Variants in KCNH1 observed in about 807,000 individuals in gnomAD.
The protein encoded by KCNH1 is potassium voltage-gated channel subfamily H member 1, also known as voltage-gated delayed rectifier potassium channel KCNH1.
In KCNH1, 27 loss-of-function variants were observed where a neutral mutation model predicts 69.2. The ratio of observed to expected loss-of-function variants is 0.39; its 90% CI spans 0.29 to 0.54. The LOEUF (loss-of-function observed/expected upper bound fraction) is 0.54, where lower values mean the gene tolerates loss of function less well. Ranked by LOEUF, KCNH1 falls within the 20% of genes least tolerant of loss-of-function variation. The pLI is 0.68. For missense variants in KCNH1, 798 were observed against 1,261.6 expected (o/e 0.63, Z 5.57); for synonymous variants, 456 against 487.7 (o/e 0.93, Z 0.86).
In KCNH1 at chr1:210,919,307, A is replaced by T. The variant is rs1558525720; in HGVS notation, c.1462+333T>A. The T allele has an allele frequency of 4.8e-6, 1 of 207,478 alleles. No homozygotes were observed. 12.9% of individuals were successfully genotyped at this position (207,478 alleles called of 1,614,324 possible). A position where few individuals can be genotyped will look rare whatever the true frequency, so the allele number is the denominator to read the frequency against. ...TTTACTAAAGTGCGTATGCAGCAAG[A>T]TCTCATTTTAAGTTTATAAAAATCT... On this transcript the variant is annotated intron_variant, in intron 7 of 10. Transcript: ENST00000271751. The surrounding 1 kb of genome is among the most constrained non-coding windows in gnomAD (Gnocchi z 4.2).
intron 9 of KCNH1, among the ~76,000 whole-genome samples, chr1:210,785,995 A>G (rs1028427945): frequency 2.0e-5 from 3 of 152,188 alleles, no homozygotes; most frequent in East Asian, 1.9e-4. Context: ...TCTGGAAAAT[A>G]AAAGGTGATG....
intron 7 of KCNH1, among the ~76,000 whole-genome samples, chr1:210,870,124 T>C (rs904445764): frequency 3.3e-5 from 5 of 152,074 alleles, no homozygotes; most frequent in African/African-American, 1.2e-4. Flanking sequence ...CTCTGAGGAG[T>C]CACAGAACTG....
intron 6 of KCNH1, 52 bp from the exon 7 acceptor site, chr1:210,920,121 T>A (rs1362515617): frequency 2.6e-6 from 4 of 1,526,266 alleles, no homozygotes; most frequent in Non-Finnish European, 2.7e-6. Context: ...GATACTACTC[T>A]CGTCCCCTCC....
chr1:210,970,101 TA>T (rs2102365921), intron 6 of KCNH1, among the ~76,000 whole-genome samples: 1 of 152,060 alleles, frequency 6.6e-6, no homozygotes, highest in African/African-American at 2.4e-5. Context: ...CTCCTGCTTT[TA>T]TTTTTTTTTT....
intron 5 of KCNH1, among the ~76,000 whole-genome samples, chr1:211,029,797 G>A (rs1022354840): frequency 6.6e-6 from 1 of 152,008 alleles, no homozygotes; most frequent in Non-Finnish European, 1.5e-5. Flanking sequence ...ACATCCCAAA[G>A]AATTCACATA....
chr1:211,085,457 G>A (rs2102469137), intron 4 of KCNH1, among the ~76,000 whole-genome samples: 1 of 148,184 alleles, frequency 6.7e-6, no homozygotes, highest in South Asian at 2.2e-4. Flanking sequence ...TAAATGAACA[G>A]AACAACAAAG....
rs112999437 is a variant in KCNH1 at position 210,788,487 on chromosome 1, A to G, written c.1915+9021T>C. Among the ~76,000 whole-genome samples, 262 of 152,236 alleles carry G rather than the reference A, an allele frequency of 1.7e-3. 1 individual carries two copies. Among genetic ancestry groups the G allele is most frequent in the African/African-American group, 6.0e-3 (248 of 41,548 alleles). On this transcript the variant is annotated intron_variant, in intron 9 of 10. Coordinates refer to ENST00000271751, the MANE Select transcript of KCNH1 (RefSeq NM_172362.3). ...TAAAGTTATGAAAATTTCCTTTAGAAAGATCAATAAACTTTCCTAGCTGCC... is the reference window on the plus strand; with the variant it reads ...TAAAGTTATGAAAATTTCCTTTAGAGAGATCAATAAACTTTCCTAGCTGCC...
At chr1:210,872,524 T>A (rs867158860) in intron 7 of KCNH1, among the ~76,000 whole-genome samples, 3 of 152,158 alleles carry the variant, frequency 2.0e-5, no homozygotes, top group Non-Finnish European at 4.4e-5. Context: ...GGTTTAATTG[T>A]CTCATGGTTC....
At chr1:210,861,198 T>C in intron 7 of KCNH1, 2 of 970,292 alleles carry the variant, frequency 2.1e-6, no homozygotes, top group Non-Finnish European at 3.4e-6. Context: ...TCAGCATCTG[T>C]ATAACACATC....
At chr1:211,040,743 C>T (rs1558579173) in intron 5 of KCNH1, among the ~76,000 whole-genome samples, 1 of 152,216 alleles carries the variant, frequency 6.6e-6, no homozygotes, top group African/African-American at 2.4e-5. Flanking sequence ...TTCCCTGCTA[C>T]ACCTCACTCT....
At chr1:210,722,192 T>C (rs1176513364) in intron 10 of KCNH1, among the ~76,000 whole-genome samples, 1 of 152,172 alleles carries the variant, frequency 6.6e-6, no homozygotes, top group Non-Finnish European at 1.5e-5. Context: ...CCCCATTCTA[T>C]GAATAGGGAT....
intron 1 of KCNH1, among the ~76,000 whole-genome samples, chr1:211,117,453 G>T (rs758010780): frequency 6.6e-6 from 1 of 152,090 alleles, no homozygotes; most frequent in South Asian, 2.1e-4. Flanking sequence ...GTGTTCTTGG[G>T]AGCCCTGAGC....
intron 7 of KCNH1, among the ~76,000 whole-genome samples, chr1:210,907,570 A>G (rs1297141767): frequency 6.6e-6 from 1 of 151,538 alleles, no homozygotes; most frequent in Admixed American, 6.6e-5. Flanking sequence ...GCATTCTATT[A>G]TTGGCAGTAT....
At chr1:211,115,929 G>T (rs1486089007) in intron 1 of KCNH1, among the ~76,000 whole-genome samples, 1 of 151,870 alleles carries the variant, frequency 6.6e-6, no homozygotes, top group Non-Finnish European at 1.5e-5. Context: ...GAGCTCAGGA[G>T]TTTGAGACCA....
intron 5 of KCNH1, among the ~76,000 whole-genome samples, chr1:211,026,376 C>CAAAAA (rs34132386): frequency 4.8e-4 from 35 of 72,636 alleles, no homozygotes; most frequent in East Asian, 2.1e-3. Context: ...GGAGTATAGA[C>CAAAAA]AAAAAAAAAA....
chr1:211,059,603 C>T lies in KCNH1; in HGVS notation c.558+23177G>A, dbSNP rs148276937. Among the ~76,000 whole-genome samples, 1,181 of 151,734 alleles carry T rather than the reference C, an allele frequency of 7.8e-3. 51 individuals are homozygous for T. The highest frequency in any genetic ancestry group is 0.061 in the East Asian group (312 of 5,098). On this transcript the variant is annotated intron_variant, in intron 5 of 10. Coordinates refer to ENST00000271751, the MANE Select transcript of KCNH1 (RefSeq NM_172362.3). Reference sequence around the variant, plus strand: ...TAAAAAATATAAAAAATTAGCCGGACGTGGTGGTGGGCACCTGTAGTCCCA... The same window carrying T: ...TAAAAAATATAAAAAATTAGCCGGATGTGGTGGTGGGCACCTGTAGTCCCA...
At chr1:210,740,704 ATTTTT>A (rs199727493) in intron 10 of KCNH1, among the ~76,000 whole-genome samples, 2,234 of 117,226 alleles carry the variant, frequency 0.019, 69 homozygotes, top group African/African-American at 0.069. Context: ...TTATGATTAA[ATTTTT>A]TTTTTTTTTT....
chr1:210,700,053 C>T (rs955240340), intron 10 of KCNH1, among the ~76,000 whole-genome samples: 2 of 152,200 alleles, frequency 1.3e-5, no homozygotes, highest in Admixed American at 1.3e-4. Context: ...GAAGAATCCT[C>T]TGTCCTGCTA....
chr1:210,844,645 C>T (rs1685498139), intron 7 of KCNH1, among the ~76,000 whole-genome samples: 1 of 152,102 alleles, frequency 6.6e-6, no homozygotes. Context: ...AAAATAGACA[C>T]CCTAACATCA....
Sources: gnomAD v4.1 joint callset for allele counts (sites outside exome capture counted in the v4.1 genomes callset) on GRCh38, gnomAD v4.1.1 for gene constraint, Gnocchi (gnomAD v3.1) non-coding constraint, MANE v1.5 for transcripts, NCBI Gene and HGNC (gene_info 2026-07-23, HGNC 2026-07-21) for gene names.